GRIK1: variants seen among roughly 807,000 people sequenced by gnomAD.
GRIK1 encodes the protein glutamate ionotropic receptor kainate type subunit 1.
Under a neutral mutation model 105.7 loss-of-function variants are expected in GRIK1, and 69 were observed. That is an observed-to-expected ratio of 0.65 (90% CI 0.54 to 0.80). The LOEUF is 0.80. GRIK1 is among the 30% of genes least tolerant of loss of function. GRIK1 has a pLI of 0.00. For missense variants in GRIK1, 1,109 were observed against 1,167.3 expected (o/e 0.95, Z 0.73); for synonymous variants, 438 against 431.3 (o/e 1.02, Z -0.19).
intron 1 of GRIK1, among the ~76,000 whole-genome samples, chr21:29,799,435 A>G (rs2066644843): frequency 6.6e-6 from 1 of 152,224 alleles, no homozygotes; most frequent in African/African-American, 2.4e-5. Context: ...ACAGCCAGTA[A>G]AGGCCAACCT....
chr21:29,547,124 C>T (rs2090062510), intron 16 of GRIK1, among the ~76,000 whole-genome samples: 1 of 152,074 alleles, frequency 6.6e-6, no homozygotes, highest in Admixed American at 6.5e-5. Flanking sequence ...TCTTGTTTTA[C>T]CTGGTCTGTA....
chr21:29,886,860 A>G (rs1000352721), intron 1 of GRIK1, among the ~76,000 whole-genome samples: 17 of 152,202 alleles, frequency 1.1e-4, no homozygotes, highest in African/African-American at 4.1e-4. Context: ...AGAAATGGCA[A>G]CTAAGCCTTT....
intron 14 of GRIK1, among the ~76,000 whole-genome samples, chr21:29,575,396 A>G (rs559192119): frequency 6.6e-6 from 1 of 152,308 alleles, no homozygotes; most frequent in South Asian, 2.1e-4. Context: ...TGGAAACCCT[A>G]AAAGCCCTAT....
chr21:29,917,782 T>C (rs892137016), intron 1 of GRIK1, among the ~76,000 whole-genome samples: 9 of 152,070 alleles, frequency 5.9e-5, no homozygotes, highest in Admixed American at 2.0e-4. Flanking sequence ...TAGTTTCTGA[T>C]GTATTTCATC....
chr21:29,871,003 G>A (rs2068987701), intron 1 of GRIK1, among the ~76,000 whole-genome samples: 1 of 152,038 alleles, frequency 6.6e-6, no homozygotes, highest in South Asian at 2.1e-4. Flanking sequence ...AGATCAAGGT[G>A]CCTTGCAAAT....
At chr21:29,614,747 C>T (rs976864009) in intron 7 of GRIK1, among the ~76,000 whole-genome samples, 2 of 151,378 alleles carry the variant, frequency 1.3e-5, no homozygotes, top group African/African-American at 4.9e-5. Flanking sequence ...TGACTTTTCC[C>T]TGCTGTGCTT....
chr21:29,887,485 A>G (rs915481628), intron 1 of GRIK1, among the ~76,000 whole-genome samples: 2 of 152,146 alleles, frequency 1.3e-5, no homozygotes, highest in African/African-American at 4.8e-5. Context: ...AGATCAAGAT[A>G]TTGAGCAATC....
At chr21:29,580,543 A>G (rs558928460) in intron 13 of GRIK1, among the ~76,000 whole-genome samples, 2 of 152,264 alleles carry the variant, frequency 1.3e-5, no homozygotes, top group East Asian at 3.9e-4. Context: ...TGTTATAGCA[A>G]TTCCCTAATG....
chr21:29,575,784 A>T (rs1805140977), intron 14 of GRIK1, among the ~76,000 whole-genome samples: 2 of 152,184 alleles, frequency 1.3e-5, no homozygotes, highest in South Asian at 4.1e-4. Context: ...GCGAGCCAAG[A>T]TCGCGCCACT....
At chr21:29,908,301 A>G (rs748104416) in intron 1 of GRIK1, among the ~76,000 whole-genome samples, 48 of 152,226 alleles carry the variant, frequency 3.2e-4, no homozygotes, top group Middle Eastern at 6.8e-3. Context: ...CTAGATATCA[A>G]CCACTTTTCA....
intron 1 of GRIK1, among the ~76,000 whole-genome samples, chr21:29,931,939 C>G (rs928420382): frequency 6.6e-6 from 1 of 152,086 alleles, no homozygotes; most frequent in Non-Finnish European, 1.5e-5. Context: ...TTGTAGTGAA[C>G]TCTTAGTCTC....
intron 14 of GRIK1, among the ~76,000 whole-genome samples, chr21:29,571,243 A>G (rs2090741046): frequency 1.3e-5 from 2 of 152,022 alleles, no homozygotes; most frequent in Admixed American, 6.6e-5. Flanking sequence ...CTGTTATCCC[A>G]GCTACTCAGG....
intron 1 of GRIK1, among the ~76,000 whole-genome samples, chr21:29,759,651 A>G (rs939491596): frequency 1.3e-5 from 2 of 152,240 alleles, no homozygotes; most frequent in Non-Finnish European, 2.9e-5. Context: ...GAAGTCAGAA[A>G]CCAGAACAAA....
chr21:29,781,881 A>G (rs1188769947), intron 1 of GRIK1, among the ~76,000 whole-genome samples: 1 of 148,866 alleles, frequency 6.7e-6, no homozygotes, highest in Non-Finnish European at 1.5e-5. Context: ...CTTGTTAGCC[A>G]GGATGGTCTC....
At chr21:29,684,319 A>G (rs1197246471) in intron 3 of GRIK1, among the ~76,000 whole-genome samples, 1 of 151,916 alleles carries the variant, frequency 6.6e-6, no homozygotes, top group African/African-American at 2.4e-5. Flanking sequence ...CGTTTATCAT[A>G]TATCTATTTA....
At chr21:29,586,094 A>G (rs142522764) in intron 12 of GRIK1, among the ~76,000 whole-genome samples, 23 of 152,364 alleles carry the variant, frequency 1.5e-4, no homozygotes, top group African/African-American at 5.5e-4. Context: ...CCACTGATTT[A>G]GAGTATTAAA....
chr21:29,861,654 A>T (rs778771245), intron 1 of GRIK1: 4 of 454,600 alleles, frequency 8.8e-6, no homozygotes, highest in Non-Finnish European at 8.8e-6. Context: ...TAACTTGCTG[A>T]GAATCTTTCT....
intron 7 of GRIK1, among the ~76,000 whole-genome samples, chr21:29,623,463 A>T (rs1026886479): frequency 6.6e-6 from 1 of 152,054 alleles, no homozygotes; most frequent in Non-Finnish European, 1.5e-5. Flanking sequence ...AAAAAAATCA[A>T]TAGGAAGCTG....
chr21:29,596,712 T>C (rs1480883924), intron 8 of GRIK1, 142 bp from the exon 9 acceptor site: 2 of 710,682 alleles, frequency 2.8e-6, no homozygotes, highest in Non-Finnish European at 5.1e-6. Flanking sequence ...TAATTCAATA[T>C]AAAGCCTGAC....
Sources: gnomAD v4.1 joint callset for allele counts (sites outside exome capture counted in the v4.1 genomes callset) on GRCh38, gnomAD v4.1.1 for gene constraint, MANE v1.5 for transcripts, NCBI Gene and HGNC (gene_info 2026-07-23, HGNC 2026-07-21) for gene names.